SEMA6D: variants seen among roughly 807,000 people sequenced by gnomAD.
SEMA6D encodes the protein semaphorin-6D.
Under a neutral mutation model 106.6 loss-of-function variants are expected in SEMA6D, and 35 were observed. The ratio of observed to expected loss-of-function variants is 0.33; its 90% confidence interval spans 0.25 to 0.44. The LOEUF (loss-of-function observed/expected upper bound fraction) is 0.44. Ranked by LOEUF, SEMA6D falls within the 20% of genes least tolerant of loss-of-function variation. The pLI, the probability that SEMA6D is intolerant of heterozygous loss-of-function variation, is 1.00. For missense variants in SEMA6D, 1,185 were observed against 1,345.9 expected (o/e 0.88, Z 1.87); for synonymous variants, 499 against 487.7 (o/e 1.02, Z -0.31).
intron 1 of SEMA6D, among the ~76,000 whole-genome samples, chr15:47,245,005 A>G (rs1279008894): frequency 6.7e-6 from 1 of 148,620 alleles, no homozygotes; most frequent in Non-Finnish European, 1.5e-5. Context: ...AGCTCTATCC[A>G]TGCTGCTGCA....
chr15:47,360,316 A>T (rs1031496643), intron 1 of SEMA6D, among the ~76,000 whole-genome samples: 1 of 152,220 alleles, frequency 6.6e-6, no homozygotes, highest in African/African-American at 2.4e-5. Context: ...TGCATAGCAG[A>T]TAAGCATAAG....
chr15:47,732,275 G>T (rs2146723283), intron 1 of SEMA6D, among the ~76,000 whole-genome samples: 1 of 152,240 alleles, frequency 6.6e-6, no homozygotes, highest in South Asian at 2.1e-4. Context: ...TAATTCTTTG[G>T]CTAAACAAAG....
At chr15:47,314,513 G>A (rs1339089144) in intron 1 of SEMA6D, among the ~76,000 whole-genome samples, 2 of 143,434 alleles carry the variant, frequency 1.4e-5, no homozygotes, top group Non-Finnish European at 3.1e-5. Flanking sequence ...CAGGAGAATG[G>A]CGTGAACCCG....
intron 4 of SEMA6D, among the ~76,000 whole-genome samples, chr15:47,602,844 G>A (rs2076691660): frequency 6.6e-6 from 1 of 152,218 alleles, no homozygotes; most frequent in Admixed American, 6.5e-5. Flanking sequence ...CGAAACTCTT[G>A]CAATGGTTTG....
chr15:47,394,900 C>CT (rs199501974), intron 1 of SEMA6D, among the ~76,000 whole-genome samples: 87 of 150,576 alleles, frequency 5.8e-4, no homozygotes, highest in East Asian at 2.1e-3. Context: ...CCTATGATGC[C>CT]TTTTTTTTTA....
chr15:47,536,546 A>G (rs1018856216), intron 3 of SEMA6D, among the ~76,000 whole-genome samples: 1 of 152,232 alleles, frequency 6.6e-6, no homozygotes, highest in Non-Finnish European at 1.5e-5. Flanking sequence ...CTAGGTGTTC[A>G]TCACTGAGGG....
intron 1 of SEMA6D, among the ~76,000 whole-genome samples, chr15:47,408,955 C>T (rs1186285093): frequency 2.6e-5 from 4 of 152,138 alleles, no homozygotes; most frequent in Admixed American, 2.0e-4. Context: ...GCAAGGACTC[C>T]GTCTGTTTTG....
At chr15:47,567,597 C>CTGGACACTTCTTTCGTATG (rs1270440182) in intron 3 of SEMA6D, among the ~76,000 whole-genome samples, 1 of 152,110 alleles carries the variant, frequency 6.6e-6, no homozygotes, top group African/African-American at 2.4e-5. Flanking sequence ...AAACCCATTC[C>CTGGACACTTCTTTCGTATG]TGGACACTTC....
At chr15:47,532,892 G>C (rs1396415476) in intron 3 of SEMA6D, among the ~76,000 whole-genome samples, 1 of 152,104 alleles carries the variant, frequency 6.6e-6, no homozygotes, top group Non-Finnish European at 1.5e-5. Flanking sequence ...TGTGTATAAA[G>C]AGAAGTGTAT....
At chr15:47,404,928 G>A (rs2040511511) in intron 1 of SEMA6D, among the ~76,000 whole-genome samples, 1 of 152,144 alleles carries the variant, frequency 6.6e-6, no homozygotes, top group African/African-American at 2.4e-5. Flanking sequence ...CTAGTGGAGA[G>A]TGCTAAGTGG....
At chr15:47,378,366 C>G (rs558894659) in intron 1 of SEMA6D, among the ~76,000 whole-genome samples, 1 of 152,090 alleles carries the variant, frequency 6.6e-6, no homozygotes, top group Non-Finnish European at 1.5e-5. Flanking sequence ...CGTGGTGGCA[C>G]GCGCCTGTAA....
intron 1 of SEMA6D, among the ~76,000 whole-genome samples, chr15:47,315,410 C>G (rs527741840): frequency 6.6e-6 from 1 of 151,976 alleles, no homozygotes; most frequent in South Asian, 2.1e-4. Context: ...ACTACATTTA[C>G]GGGGGTCTAT....
chr15:47,733,172 A>C (rs1287907251), intron 1 of SEMA6D, among the ~76,000 whole-genome samples: 1 of 152,206 alleles, frequency 6.6e-6, no homozygotes, highest in African/African-American at 2.4e-5. Context: ...TACTGAGGAC[A>C]GGTACCCACT....
intron 1 of SEMA6D, among the ~76,000 whole-genome samples, chr15:47,234,984 T>A (rs897868658): frequency 6.6e-6 from 1 of 152,090 alleles, no homozygotes; most frequent in Non-Finnish European, 1.5e-5. Context: ...AAGTGTTCCC[T>A]TTTCACCACA....
intron 1 of SEMA6D, among the ~76,000 whole-genome samples, chr15:47,376,278 G>A (rs919505812): frequency 2.0e-5 from 3 of 152,152 alleles, no homozygotes; most frequent in African/African-American, 7.2e-5. Context: ...AGCTGTCTTT[G>A]GAGTACTGCT....
intron 1 of SEMA6D, among the ~76,000 whole-genome samples, chr15:47,725,213 T>G (rs867523218): frequency 9.2e-5 from 14 of 152,296 alleles, no homozygotes; most frequent in Middle Eastern, 3.4e-3. Context: ...GCAGGTTTTT[T>G]GAGGCTATAG....
At chr15:47,276,672 C>T (rs1407221251) in intron 1 of SEMA6D, among the ~76,000 whole-genome samples, 1 of 152,104 alleles carries the variant, frequency 6.6e-6, no homozygotes, top group African/African-American at 2.4e-5. Context: ...TCCTAGTCAC[C>T]CAAGAGCTCA....
At chr15:47,203,933 A>C (rs987743708) in intron 1 of SEMA6D, among the ~76,000 whole-genome samples, 22 of 152,200 alleles carry the variant, frequency 1.4e-4, no homozygotes, top group Non-Finnish European at 2.9e-4. Context: ...TTAAACAGAA[A>C]ATATCCATGG....
chr15:47,374,162 C>T (rs897121267), intron 1 of SEMA6D, among the ~76,000 whole-genome samples: 1 of 152,160 alleles, frequency 6.6e-6, no homozygotes, highest in Non-Finnish European at 1.5e-5. Flanking sequence ...ATAACGACTT[C>T]TCTGTATTAT....
Sources: allele counts gnomAD v4.1 joint callset (sites outside exome capture counted in the v4.1 genomes callset), GRCh38; gene constraint gnomAD v4.1.1; transcripts MANE v1.5; gene names NCBI Gene and HGNC (gene_info 2026-07-23, HGNC 2026-07-21).